ZNF622: variants seen among roughly 807,000 people sequenced by gnomAD.
ZNF622 encodes the protein cytoplasmic 60S subunit biogenesis factor ZNF622.
In ZNF622, 34 loss-of-function variants were observed where a neutral mutation model predicts 49.7. The ratio of observed to expected loss-of-function variants is 0.68; its 90% CI spans 0.52 to 0.91. The LOEUF (loss-of-function observed/expected upper bound fraction) is 0.91. Ranked by LOEUF, ZNF622 falls within the 40% of genes least tolerant of loss-of-function variation. ZNF622 has a pLI of 0.00. For synonymous variants in ZNF622, 209 were observed against 228.7 expected, an observed-to-expected ratio of 0.91 and a Z score of 0.78; for missense variants, 569 against 616.4, an observed-to-expected ratio of 0.92 and a Z score of 0.81.
Position 16,451,674 on chromosome 5 carries a change from C to T in ZNF622, c.1417G>A (p.Val473Ile). Residue 473 changes from valine (V) to isoleucine (I), a missense_variant, in exon 6 of 6, where the codon GTC (valine) becomes ATC (isoleucine). By Grantham distance (29) the Val-to-Ile change is conservative (BLOSUM62 3). Transcript: ENST00000308683. ...NNATKQMHFR[V>I]QVRF ...GCAGACTCTCAGAATCTCACTTGGA[C>T]CCGAAAGTGCATCTGCTTGGTGGCA... is the stretch of plus-strand genomic sequence containing the variant. The T allele has an allele frequency of 6.2e-7, 1 of 1,613,826 alleles. No individual in the cohort carries two copies. The highest frequency in any genetic ancestry group is 1.3e-5 in the African/African-American group (1 of 75,034).
chr5:16,465,169 C>G lies in ZNF622; in HGVS notation c.497G>C (p.Arg166Pro), dbSNP rs756301386. ...RNVVAVGTGG[R>P]GTHDRDPSEK... Reference sequence around the variant, plus strand: ...ACTCGGGTCTCGGTCGTGGGTCCCACGGCCACCAGTACCCACGGCCACGAC... The same window carrying G: ...ACTCGGGTCTCGGTCGTGGGTCCCAGGGCCACCAGTACCCACGGCCACGAC... The change falls in exon 1 of 6, where the codon CGT becomes CCT. Residue 166 changes from arginine to proline, a missense_variant. Coordinates refer to ENST00000308683, the MANE Select transcript of ZNF622 (RefSeq NM_033414.3). This position sits in a 1 kb window ranked among gnomAD's most constrained non-coding sequence, Gnocchi z 6.2. 2.5e-6 allele frequency: 4 copies of G among 1,614,202 alleles called. No individual in the cohort carries two copies. In the Admixed American group the frequency reaches 5.0e-5, roughly 20 times the overall value.
At position 16,458,646 on chromosome 5, in the gene ZNF622, G is replaced by T. The variant is rs1394404289; in HGVS notation, c.1050-17C>A. On this transcript the variant is annotated splice_polypyrimidine_tract_variant and intron_variant, in intron 3 of 5. Transcript: ENST00000308683. ...TAGCTACTCCTATAACAGAGAAATT[G>T]CACTAATAAATAGACTAATATCTCA... The T allele has an allele frequency of 2.6e-6, 4 of 1,532,414 alleles. No homozygotes were observed. Among genetic ancestry groups the T allele is most frequent in the Non-Finnish European group, 3.6e-6 (4 of 1,117,208 alleles). The allele number at this position is 1,532,414 out of a possible 1,614,324, so 94.9% of individuals were successfully genotyped here. A position where few individuals can be genotyped will look rare whatever the true frequency, so the allele number is the denominator to read the frequency against.
intron 4 of ZNF622, among the ~76,000 whole-genome samples, chr5:16,457,232 G>A (rs1025789797): frequency 5.9e-5 from 9 of 152,134 alleles, no homozygotes; most frequent in South Asian, 2.1e-4. Context: ...CCTACTACAC[G>A]GCAGACACTG....
In ZNF622 at chr5:16,465,686, C is replaced by T. The variant is rs1579568210; in HGVS notation, c.-21G>A. ...GCCATTGCCAGGCGAGAAATAAGAACCGACCAAGCCAAACACCTGGTGATC... is the reference window on the plus strand; with the variant it reads ...GCCATTGCCAGGCGAGAAATAAGAATCGACCAAGCCAAACACCTGGTGATC... On this transcript the variant is annotated 5_prime_UTR_variant, in exon 1 of 6. Transcript: ENST00000308683. This position sits in a 1 kb window ranked among gnomAD's most constrained non-coding sequence, Gnocchi z 6.2. The T allele has an allele frequency of 1.3e-6, 2 of 1,543,502 alleles. No homozygotes were observed. Among genetic ancestry groups the T allele is most frequent in the East Asian group, 2.3e-5 (1 of 44,332 alleles).
At position 16,458,510 on chromosome 5, in the gene ZNF622, C is replaced by T. The variant is rs114898673; in HGVS notation, c.1162+7G>A. On this transcript the variant is annotated splice_region_variant and intron_variant, in intron 4 of 5. Transcript: ENST00000308683. ...TTAAGCTATTTATTTTTGACAAATGCACTTACCAGAAGGCAGAATCAATTC... is the reference window on the plus strand; with the variant it reads ...TTAAGCTATTTATTTTTGACAAATGTACTTACCAGAAGGCAGAATCAATTC... 1,621 of 1,599,316 alleles carry T rather than the reference C, an allele frequency of 1.0e-3. 14 individuals are homozygous for T. In the African/African-American group the frequency reaches 0.019, roughly 19 times the overall value.
chr5:16,465,782 C>G lies in ZNF622; in HGVS notation c.-117G>C, dbSNP rs1738213489. On this transcript the variant is annotated 5_prime_UTR_variant, in exon 1 of 6. Transcript: ENST00000308683. This position sits in a 1 kb window ranked among gnomAD's most constrained non-coding sequence, Gnocchi z 6.2. ...AGCCAGGAAGAGCCACTCGACACGCCGACTTCCTGATTGTCACTGAGGAAA... is the reference window on the plus strand; with the variant it reads ...AGCCAGGAAGAGCCACTCGACACGCGGACTTCCTGATTGTCACTGAGGAAA... 1 of 1,353,638 alleles carries G rather than the reference C, an allele frequency of 7.4e-7. No individual in the cohort carries two copies. The highest frequency in any genetic ancestry group is 1.0e-6 in the Non-Finnish European group (1 of 999,646). The allele number at this position is 1,353,638 out of a possible 1,614,324, so 83.9% of individuals were successfully genotyped here. A position where few individuals can be genotyped will look rare whatever the true frequency, so the allele number is the denominator to read the frequency against.
chr5:16,463,421 T>G lies in ZNF622; in HGVS notation c.886+61A>C. 3 of 1,540,736 alleles carry G rather than the reference T, an allele frequency of 1.9e-6. No individual in the cohort carries two copies. The highest frequency in any genetic ancestry group is 2.6e-6 in the Non-Finnish European group (3 of 1,136,530). On this transcript the variant is annotated intron_variant, in intron 2 of 5. Coordinates refer to ENST00000308683, the MANE Select transcript of ZNF622 (RefSeq NM_033414.3). The surrounding 1 kb of genome is among the most constrained non-coding windows in gnomAD (Gnocchi z 4.2). The stretch of plus-strand genomic sequence containing the variant: ...GAAAAATGCAAAACTAATGTTCCCT[T>G]GAGACCAGTCCCCCAATAATGTGAT...
chr5:16,460,898 G>A (rs1434771800), intron 3 of ZNF622, among the ~76,000 whole-genome samples: 1 of 152,164 alleles, frequency 6.6e-6, no homozygotes, highest in African/African-American at 2.4e-5. Context: ...GCAACACCCA[G>A]TAAAGAACAA....
chr5:16,456,379 G>T (rs1447081128), intron 4 of ZNF622, among the ~76,000 whole-genome samples: 1 of 152,170 alleles, frequency 6.6e-6, no homozygotes, highest in Non-Finnish European at 1.5e-5. Flanking sequence ...AAAAAACCTT[G>T]CCAGACCACA....
chr5:16,461,977 T>C (rs1219021469), intron 3 of ZNF622, among the ~76,000 whole-genome samples: 2 of 152,192 alleles, frequency 1.3e-5, no homozygotes, highest in Admixed American at 1.3e-4. Context: ...TTGACCACTC[T>C]GATTACAACA....
chr5:16,452,866 A>C, intron 5 of ZNF622, 147 bp downstream of exon 5: 1 of 775,156 alleles, frequency 1.3e-6, no homozygotes, highest in Non-Finnish European at 1.8e-6. Flanking sequence ...AAACATATCA[A>C]GTGGTAATGG....
chr5:16,459,432 T>C (rs1048868754), intron 3 of ZNF622, among the ~76,000 whole-genome samples: 1 of 152,152 alleles, frequency 6.6e-6, no homozygotes, highest in Non-Finnish European at 1.5e-5. Flanking sequence ...GTTGCTAAGA[T>C]GAAAAACTCT....
intron 1 of ZNF622, 130 bp downstream of exon 1, chr5:16,464,911 A>C: frequency 1.6e-6 from 2 of 1,287,868 alleles, no homozygotes; most frequent in Non-Finnish European, 2.1e-6. Flanking sequence ...AAGCGTCTAA[A>C]CCACCTTCCC....
chr5:16,457,994 G>A (rs867140072), intron 4 of ZNF622, among the ~76,000 whole-genome samples: 43 of 151,990 alleles, frequency 2.8e-4, no homozygotes, highest in Middle Eastern at 6.8e-3. Context: ...AGTTAATCAC[G>A]ATTCTTTCTT....
At position 16,452,184 on chromosome 5, in the gene ZNF622, AG is replaced by A. The variant is rs112339274; in HGVS notation, c.1307-401del. Among the ~76,000 whole-genome samples, 178 of 152,160 alleles carry A rather than the reference AG, an allele frequency of 1.2e-3. 1 individual carries two copies. Among genetic ancestry groups the A allele is most frequent in the African/African-American group, 4.2e-3 (175 of 41,424 alleles). ...CACAGCTCACAAGCAGCCACAGTGA[AG>A]GAAACCACATATAAACACAGTGCCT... On this transcript the variant is annotated intron_variant, in intron 5 of 5. Transcript: ENST00000308683.
intron 5 of ZNF622, among the ~76,000 whole-genome samples, chr5:16,452,679 T>C (rs773465176): frequency 5.9e-5 from 9 of 152,220 alleles, no homozygotes; most frequent in Non-Finnish European, 1.5e-5. Flanking sequence ...CTCAAGCTAT[T>C]AACCACTAGG....
At chr5:16,458,384 C>T (rs771508912) in intron 4 of ZNF622, 133 bp downstream of exon 4, 30 of 633,618 alleles carry the variant, frequency 4.7e-5, no homozygotes, top group Non-Finnish European at 7.2e-5. Context: ...GGGTTTACAC[C>T]GTACATGAGA....
At chr5:16,456,630 A>G (rs2126491369) in intron 4 of ZNF622, among the ~76,000 whole-genome samples, 1 of 152,296 alleles carries the variant, frequency 6.6e-6, no homozygotes, top group South Asian at 2.1e-4. Flanking sequence ...GAGGCACCAC[A>G]CATGTAAACA....
intron 3 of ZNF622, 83 bp from the exon 4 acceptor site, chr5:16,458,712 A>G: frequency 1.0e-6 from 1 of 995,222 alleles, no homozygotes; most frequent in Non-Finnish European, 1.5e-6. Context: ...AAATGTGGCA[A>G]ACTTCCTAAG....
Sources: allele counts gnomAD v4.1 joint callset (sites outside exome capture counted in the v4.1 genomes callset), GRCh38; gene constraint gnomAD v4.1.1; non-coding constraint Gnocchi (gnomAD v3.1); transcripts MANE v1.5; gene names NCBI Gene and HGNC (gene_info 2026-07-23, HGNC 2026-07-21).